PTPRD: variants seen among roughly 807,000 people sequenced by gnomAD.
The protein encoded by PTPRD is receptor-type tyrosine-protein phosphatase delta.
A neutral mutation model predicts 214.5 loss-of-function variants in PTPRD; 34 were observed. The observed-to-expected ratio is 0.16, with a 90% CI of 0.12 to 0.21. PTPRD has a LOEUF of 0.21. Ranked by LOEUF, PTPRD falls within the 10% of genes least tolerant of loss-of-function variation. PTPRD has a pLI of 1.00. For synonymous variants in PTPRD, 1,128 were observed against 845.7 expected, an observed-to-expected ratio of 1.33 and a Z score of -5.79; for missense variants, 2,545 against 2,398.7, an observed-to-expected ratio of 1.06 and a Z score of -1.27.
At chr9:8,414,542 T>C (rs982215930) in intron 35 of PTPRD, among the ~76,000 whole-genome samples, 3 of 152,084 alleles carry the variant, frequency 2.0e-5, no homozygotes, top group African/African-American at 7.2e-5. Context: ...AGGCCACTTA[T>C]GTTGGGAGTT....
rs978465642 is a variant in PTPRD, at chr9:8,373,331, T to C, written c.4661+2605A>G. ...CCTAAATAAAGAGGCCAAAACTTCT[T>C]ACCAGACATGTAAAATTACCTATGG... On this transcript the variant is annotated intron_variant, in intron 39 of 45. Transcript: ENST00000381196. 6.6e-5 allele frequency among the ~76,000 whole-genome samples: 10 copies of C among 152,132 alleles called. No individual in the cohort carries two copies. The East Asian group carries it at 1.9e-3, about 29-fold the overall frequency.
At chr9:8,554,575 T>C (rs919356235) in intron 14 of PTPRD, among the ~76,000 whole-genome samples, 11 of 152,168 alleles carry the variant, frequency 7.2e-5, no homozygotes, top group East Asian at 5.8e-4. Context: ...CTAAGTCCAA[T>C]TGTGACACAT....
chr9:10,243,876 T>C (rs908720685), intron 3 of PTPRD, among the ~76,000 whole-genome samples: 7 of 152,026 alleles, frequency 4.6e-5, no homozygotes, highest in Admixed American at 3.9e-4. Context: ...TTAATCATTT[T>C]TTTTTCTGTC....
chr9:10,334,522 C>T (rs1565363648), intron 3 of PTPRD, among the ~76,000 whole-genome samples: 1 of 150,878 alleles, frequency 6.6e-6, no homozygotes, highest in Non-Finnish European at 1.5e-5. Flanking sequence ...AACAATATTC[C>T]CTCTCAATAT....
rs191364678 is a variant in PTPRD at position 8,341,455 on chromosome 9, A to G, written c.4948-187T>C. Among the ~76,000 whole-genome samples, 38 of 152,186 alleles carry G rather than the reference A, an allele frequency of 2.5e-4. 1 individual carries two copies. The highest frequency in any genetic ancestry group is 7.7e-4 in the African/African-American group (32 of 41,542). On this transcript the variant is annotated intron_variant, in intron 40 of 45. Transcript: ENST00000381196. ...ACTCTCTATAGCCTATTGGATTTCTATATATTTTCTGAAAGTATAGTCTCT... is the reference window on the plus strand; with the variant it reads ...ACTCTCTATAGCCTATTGGATTTCTGTATATTTTCTGAAAGTATAGTCTCT...
intron 5 of PTPRD, among the ~76,000 whole-genome samples, chr9:9,841,200 G>A (rs190614605): frequency 6.6e-6 from 1 of 152,132 alleles, no homozygotes; most frequent in Non-Finnish European, 1.5e-5. Context: ...GGGGATAGGA[G>A]TAGTGGTAGT....
chr9:8,616,437 A>T (rs1432522874), intron 14 of PTPRD, among the ~76,000 whole-genome samples: 5 of 152,096 alleles, frequency 3.3e-5, no homozygotes, highest in African/African-American at 7.2e-5. Flanking sequence ...TGTCTTCATA[A>T]AATTTCAAAG....
At chr9:9,308,315 C>T (rs1220902684) in intron 9 of PTPRD, among the ~76,000 whole-genome samples, 1 of 152,112 alleles carries the variant, frequency 6.6e-6, no homozygotes, top group African/African-American at 2.4e-5. Flanking sequence ...AAACGGAACA[C>T]GTGTTTGTAT....
Position 8,866,095 on chromosome 9 carries a change from A to G in PTPRD, c.-103-132149T>C, listed in dbSNP as rs572898582. Among the ~76,000 whole-genome samples the G allele has an allele frequency of 9.9e-5, 15 of 152,280 alleles. No homozygotes were observed. In the East Asian group the frequency reaches 1.5e-3, roughly 16 times the overall value. ...TGTAAACATTATTTCCTATAGGAAC[A>G]TATATTACTGGAAGTTATCCTGATT... On this transcript the variant is annotated intron_variant, in intron 11 of 45. Coordinates refer to ENST00000381196, the MANE Select transcript of PTPRD (RefSeq NM_002839.4).
chr9:8,435,701 A>ACT (rs567077584), intron 35 of PTPRD, among the ~76,000 whole-genome samples: 5 of 18,152 alleles, frequency 2.8e-4, no homozygotes. Flanking sequence ...ATATCCAAAT[A>ACT]CACACACACA....
In PTPRD at chr9:10,560,874, G is replaced by GTCCA. The variant is rs537910816; in HGVS notation, c.-600+51520_-600+51523dup. ...ACTGTACAGCATAAATATAGAGCCT[G>GTCCA]TCCATCACTGTGGAAAGTTCTGCTG... On this transcript the variant is annotated intron_variant, in intron 2 of 45. Coordinates refer to ENST00000381196, the MANE Select transcript of PTPRD (RefSeq NM_002839.4). Among the ~76,000 whole-genome samples, 54 of 152,286 alleles carry GTCCA rather than the reference G, an allele frequency of 3.5e-4. No individual in the cohort carries two copies. The South Asian group carries it at 3.7e-3, about 11-fold the overall frequency.
rs10120261 is a variant in PTPRD at position 9,617,488 on chromosome 9, A to G, written c.-286-42707T>C. ...TAGGATAATCCTGGACACAGATTGAATAATGGAAGTGTATGGAAAGGTTGA... is the reference window on the plus strand; with the variant it reads ...TAGGATAATCCTGGACACAGATTGAGTAATGGAAGTGTATGGAAAGGTTGA... On this transcript the variant is annotated intron_variant, in intron 7 of 45. Transcript: ENST00000381196. Among the ~76,000 whole-genome samples the G allele has an allele frequency of 2.0e-5, 3 of 152,184 alleles. No homozygotes were observed. The East Asian group carries it at 5.8e-4, about 29-fold the overall frequency.
intron 8 of PTPRD, among the ~76,000 whole-genome samples, chr9:9,454,852 C>CAT (rs566624713): frequency 1.0e-3 from 147 of 146,052 alleles, no homozygotes; most frequent in Middle Eastern, 3.5e-3. Flanking sequence ...TATATATACA[C>CAT]ATATATATAT....
intron 11 of PTPRD, among the ~76,000 whole-genome samples, chr9:8,978,574 T>C (rs186529798): frequency 6.6e-6 from 1 of 152,202 alleles, no homozygotes; most frequent in Non-Finnish European, 1.5e-5. Flanking sequence ...AATGACCAAG[T>C]GCACGCAGCC....
intron 7 of PTPRD, among the ~76,000 whole-genome samples, chr9:9,706,113 T>C (rs2097599124): frequency 6.6e-6 from 1 of 152,168 alleles, no homozygotes; most frequent in Non-Finnish European, 1.5e-5. Context: ...ATAACAGCTA[T>C]TATTATGAAT....
chr9:10,438,871 T>C (rs2098740121), intron 2 of PTPRD, among the ~76,000 whole-genome samples: 1 of 151,758 alleles, frequency 6.6e-6, no homozygotes, highest in Non-Finnish European at 1.5e-5. Flanking sequence ...TTCATGACCA[T>C]AGTTTCTGAA....
chr9:10,482,196 C>T lies in PTPRD; in HGVS notation c.-600+130202G>A, dbSNP rs369331528. 2.6e-4 allele frequency among the ~76,000 whole-genome samples: 40 copies of T among 151,894 alleles called. No homozygotes were observed. In the East Asian group the frequency reaches 5.8e-3, roughly 22 times the overall value. ...ACCAGCCCGGCTAACACAGTGAAAC[C>T]CCATCTCTACTAAAAATACAAAAAA... On this transcript the variant is annotated intron_variant, in intron 2 of 45. Transcript: ENST00000381196.
At chr9:9,259,883 A>C (rs1267403492) in intron 9 of PTPRD, among the ~76,000 whole-genome samples, 1 of 151,872 alleles carries the variant, frequency 6.6e-6, no homozygotes, top group Non-Finnish European at 1.5e-5. Flanking sequence ...AGGGAAGATG[A>C]ACTTAGGAAA....
At chr9:9,863,720 G>A (rs1219491094) in intron 5 of PTPRD, among the ~76,000 whole-genome samples, 1 of 151,884 alleles carries the variant, frequency 6.6e-6, no homozygotes, top group Non-Finnish European at 1.5e-5. Context: ...GATGAAAAGA[G>A]ACATAAGACA....
Sources: allele counts gnomAD v4.1 joint callset (sites outside exome capture counted in the v4.1 genomes callset), GRCh38; gene constraint gnomAD v4.1.1; transcripts MANE v1.5; gene names NCBI Gene and HGNC (gene_info 2026-07-23, HGNC 2026-07-21).